MOB3B: variants seen among roughly 807,000 people sequenced by gnomAD.
MOB3B encodes MOB kinase activator-like 2B.
Under a neutral mutation model 18.7 loss-of-function variants are expected in MOB3B, and 7 were observed. The observed-to-expected ratio is 0.37, with a 90% CI of 0.21 to 0.70. MOB3B has a LOEUF of 0.70. Ranked by LOEUF, MOB3B falls within the 30% of genes least tolerant of loss-of-function variation. The pLI is 0.52. For synonymous variants in MOB3B, 111 were observed against 99.9 expected, an observed-to-expected ratio of 1.11 and a Z score of -0.66; for missense variants, 253 against 281.3, an observed-to-expected ratio of 0.90 and a Z score of 0.72.
At chr9:27,497,096 A>G (rs1406933850) in intron 1 of MOB3B, among the ~76,000 whole-genome samples, 4 of 152,208 alleles carry the variant, frequency 2.6e-5, no homozygotes, top group African/African-American at 9.6e-5. Flanking sequence ...CAGTCAAAGA[A>G]TATTCTGAGT....
In MOB3B at chr9:27,341,742, C is replaced by T. The variant is rs527295630; in HGVS notation, c.622-11126G>A. ...CTATGGGGTGGCCATTATGCTTCCC[C>T]TAGAGAGGAACTGAAACTTGGAAAG... On this transcript the variant is annotated intron_variant, in intron 3 of 3. Transcript: ENST00000262244. Among the ~76,000 whole-genome samples the T allele has an allele frequency of 2.6e-3, 389 of 152,206 alleles. 1 individual carries two copies. The highest frequency in any genetic ancestry group is 9.0e-3 in the African/African-American group (372 of 41,522).
intron 2 of MOB3B, among the ~76,000 whole-genome samples, chr9:27,364,499 C>T (rs899506490): frequency 2.6e-5 from 4 of 152,196 alleles, no homozygotes; most frequent in African/African-American, 9.7e-5. Flanking sequence ...GCAAAAAATC[C>T]TATTTAAATC....
At chr9:27,513,507 G>A (rs1047551292) in intron 1 of MOB3B, among the ~76,000 whole-genome samples, 1 of 152,108 alleles carries the variant, frequency 6.6e-6, no homozygotes, top group African/African-American at 2.4e-5. Context: ...GGCTTGCTGT[G>A]CCCTGCCAGT....
chr9:27,386,483 C>T (rs542930946), intron 2 of MOB3B, among the ~76,000 whole-genome samples: 6 of 152,320 alleles, frequency 3.9e-5, no homozygotes, highest in Admixed American at 3.9e-4. Flanking sequence ...TGCAAATTTT[C>T]GATCTTCTCA....
intron 2 of MOB3B, among the ~76,000 whole-genome samples, chr9:27,431,221 G>T (rs1822412688): frequency 6.6e-6 from 1 of 152,142 alleles, no homozygotes. Context: ...TAAACCTCAT[G>T]AATTGTATCC....
intron 2 of MOB3B, among the ~76,000 whole-genome samples, chr9:27,374,784 G>A (rs1821468453): frequency 6.6e-6 from 1 of 152,212 alleles, no homozygotes; most frequent in Non-Finnish European, 1.5e-5. Flanking sequence ...GGCACAACTG[G>A]ACTGAGATTC....
intron 3 of MOB3B, among the ~76,000 whole-genome samples, chr9:27,356,328 C>T (rs1359510801): frequency 3.9e-5 from 6 of 152,174 alleles, no homozygotes; most frequent in Non-Finnish European, 8.8e-5. Flanking sequence ...CTCAATTAAA[C>T]TGTTAAAAAT....
chr9:27,393,298 C>A (rs1485849030), intron 2 of MOB3B, among the ~76,000 whole-genome samples: 1 of 151,908 alleles, frequency 6.6e-6, no homozygotes, highest in East Asian at 1.9e-4. Flanking sequence ...TTGTAGAGGG[C>A]ACAAAAATAA....
intron 1 of MOB3B, 121 bp from the exon 2 acceptor site, chr9:27,455,869 G>T: frequency 9.8e-7 from 1 of 1,023,056 alleles, no homozygotes; most frequent in Admixed American, 3.9e-5. Flanking sequence ...CAGGTATATG[G>T]GCATGGGGGT....
intron 1 of MOB3B, among the ~76,000 whole-genome samples, chr9:27,528,632 C>T (rs1430208899): frequency 1.3e-5 from 2 of 152,236 alleles, no homozygotes; most frequent in Non-Finnish European, 2.9e-5. Flanking sequence ...GAGGGGCTTC[C>T]TTCTCTCCCC....
chr9:27,442,109 G>A (rs151094103), intron 2 of MOB3B, among the ~76,000 whole-genome samples: 50 of 152,200 alleles, frequency 3.3e-4, no homozygotes, highest in Middle Eastern at 3.4e-3. Context: ...AAGTTATTTT[G>A]TTAGCATGTA....
At chr9:27,528,422 G>A (rs985924115) in intron 1 of MOB3B, among the ~76,000 whole-genome samples, 1 of 152,240 alleles carries the variant, frequency 6.6e-6, no homozygotes, top group African/African-American at 2.4e-5. Flanking sequence ...TCGGATTTGA[G>A]CCTTTGCGGC....
chr9:27,464,870 C>A (rs1362884577), intron 1 of MOB3B, among the ~76,000 whole-genome samples: 1 of 152,116 alleles, frequency 6.6e-6, no homozygotes, highest in Non-Finnish European at 1.5e-5. Flanking sequence ...ACGAGAATAG[C>A]ATGGGAAAGA....
At chr9:27,486,516 C>T (rs1254256848) in intron 1 of MOB3B, among the ~76,000 whole-genome samples, 2 of 152,096 alleles carry the variant, frequency 1.3e-5, no homozygotes, top group African/African-American at 4.8e-5. Flanking sequence ...AATGAACAGA[C>T]GCATAAGTGG....
intron 1 of MOB3B, among the ~76,000 whole-genome samples, chr9:27,475,076 C>T (rs1444659772): frequency 6.6e-6 from 1 of 152,136 alleles, no homozygotes; most frequent in African/African-American, 2.4e-5. Context: ...CTCACACACT[C>T]TTGCTCTCGC....
chr9:27,341,308 T>C (rs1171121322), intron 3 of MOB3B, among the ~76,000 whole-genome samples: 1 of 152,216 alleles, frequency 6.6e-6, no homozygotes, highest in Non-Finnish European at 1.5e-5. Flanking sequence ...CATGGGTCCC[T>C]AAAGGAAGAA....
At chr9:27,390,313 G>C (rs189118506) in intron 2 of MOB3B, among the ~76,000 whole-genome samples, 6 of 152,062 alleles carry the variant, frequency 3.9e-5, no homozygotes, top group African/African-American at 1.4e-4. Flanking sequence ...TGCAGTGGGC[G>C]ATCTCCGCTC....
At chr9:27,460,976 C>A (rs945360372) in intron 1 of MOB3B, among the ~76,000 whole-genome samples, 3 of 152,208 alleles carry the variant, frequency 2.0e-5, no homozygotes, top group Non-Finnish European at 4.4e-5. Flanking sequence ...TGCCAACTCA[C>A]TGAGGCCGCT....
chr9:27,402,549 G>C (rs755237321), intron 2 of MOB3B, among the ~76,000 whole-genome samples: 5 of 152,170 alleles, frequency 3.3e-5, no homozygotes, highest in Non-Finnish European at 5.9e-5. Context: ...TCTATTAAAG[G>C]AAAGAATGAG....
Sources: allele counts gnomAD v4.1 joint callset (sites outside exome capture counted in the v4.1 genomes callset), GRCh38; gene constraint gnomAD v4.1.1; transcripts MANE v1.5; gene names NCBI Gene and HGNC (gene_info 2026-07-23, HGNC 2026-07-21).